Variants in USP12 observed in about 807,000 individuals in gnomAD.
USP12 encodes ubiquitin specific peptidase 12, also known as ubiquitin carboxyl-terminal hydrolase 12.
A neutral mutation model predicts 45.5 loss-of-function variants in USP12; 19 were observed. The observed-to-expected ratio is 0.42, with a 90% CI of 0.29 to 0.61. The LOEUF (loss-of-function observed/expected upper bound fraction) is 0.61, where lower values mean the gene tolerates loss of function less well. USP12 is among the 20% of genes least tolerant of loss of function. The probability of loss-of-function intolerance (pLI) is 0.22; values close to 1 mark genes in which losing one functional copy is unlikely to be tolerated. For synonymous variants in USP12, 149 were observed against 148.8 expected (o/e 1.00, Z -0.01); for missense variants, 242 against 447.7 (o/e 0.54, Z 4.15).
chr13:27,109,518 T>C (rs1312427907), intron 2 of USP12, among the ~76,000 whole-genome samples: 2 of 151,980 alleles, frequency 1.3e-5, no homozygotes, highest in South Asian at 2.1e-4. Flanking sequence ...TCTCCACAAA[T>C]TGATGACTTG....
intron 4 of USP12, 45 bp downstream of exon 4, chr13:27,095,556 T>C (rs1202317760): frequency 1.2e-5 from 17 of 1,368,438 alleles, no homozygotes; most frequent in Non-Finnish European, 1.6e-5. Context: ...ACCTTTAACA[T>C]AGTAATTCAA....
intron 1 of USP12, among the ~76,000 whole-genome samples, chr13:27,166,342 C>T (rs1046799753): frequency 6.6e-6 from 1 of 152,150 alleles, no homozygotes; most frequent in African/African-American, 2.4e-5. Flanking sequence ...TTAAAAGATA[C>T]TTCCTGAGAC....
chr13:27,140,810 G>T (rs1283891200), intron 1 of USP12, among the ~76,000 whole-genome samples: 1 of 151,958 alleles, frequency 6.6e-6, no homozygotes, highest in Non-Finnish European at 1.5e-5. Flanking sequence ...AGAGATTAGA[G>T]TTGACAATTA....
rs1565995090 is a variant in USP12 at position 27,117,942 on chromosome 13, G to C, written c.49-1346C>G. The C allele has an allele frequency of 2.4e-5, 9 of 378,056 alleles. 1 individual carries two copies. The highest frequency in any genetic ancestry group is 1.8e-4 in the South Asian group (9 of 49,518). The allele number at this position is 378,056 out of a possible 1,614,324, so 23.4% of individuals were successfully genotyped here. A position where few individuals can be genotyped will look rare whatever the true frequency, so the allele number is the denominator to read the frequency against. On this transcript the variant is annotated intron_variant, in intron 1 of 8. Transcript: ENST00000282344. The stretch of plus-strand genomic sequence containing the variant: ...ACAGATTCTAAAATGTAGTTTGAAA[G>C]GGAAATAAAAGCAATTCTGTTAATA...
chr13:27,105,130 G>A (rs184364149), intron 3 of USP12, among the ~76,000 whole-genome samples: 2 of 152,230 alleles, frequency 1.3e-5, no homozygotes, highest in Admixed American at 1.3e-4. Context: ...ATTGGCATGT[G>A]AAAATTAAAT....
chr13:27,095,892 AT>A, intron 3 of USP12, 62 bp from the exon 4 acceptor site: 1 of 1,266,812 alleles, frequency 7.9e-7, no homozygotes, highest in Non-Finnish European at 1.1e-6. Context: ...TAAAAAACCA[AT>A]TTATAAAAGA....
At position 27,117,580 on chromosome 13, in the gene USP12, G is replaced by GA. The variant is rs543424526; in HGVS notation, c.49-985dup. ...GTATCTCAAAAACACAATGTTAAAT[G>GA]AAAAAAAGAAAAATTAGATTAACAT... On this transcript the variant is annotated intron_variant, in intron 1 of 8. Coordinates refer to ENST00000282344, the MANE Select transcript of USP12 (RefSeq NM_182488.4). 5.2e-3 allele frequency among the ~76,000 whole-genome samples: 795 copies of GA among 151,664 alleles called. 7 individuals carry two copies. The highest frequency in any genetic ancestry group is 0.018 in the African/African-American group (761 of 41,362).
intron 1 of USP12, among the ~76,000 whole-genome samples, chr13:27,148,084 G>A (rs373478104): frequency 1.3e-5 from 2 of 150,894 alleles, no homozygotes; most frequent in African/African-American, 2.4e-5. Flanking sequence ...AGCTGTGACC[G>A]CACTACTGCA....
At chr13:27,153,016 T>G (rs180982712) in intron 1 of USP12, among the ~76,000 whole-genome samples, 4 of 151,764 alleles carry the variant, frequency 2.6e-5, no homozygotes, top group Non-Finnish European at 5.9e-5. Flanking sequence ...TTTTGATTAA[T>G]TGTTTACATT....
chr13:27,123,576 T>C (rs1004264771), intron 1 of USP12, among the ~76,000 whole-genome samples: 2 of 152,134 alleles, frequency 1.3e-5, no homozygotes, highest in South Asian at 4.1e-4. Flanking sequence ...AGAGACCCAG[T>C]AGGAGGTAAC....
chr13:27,119,844 T>C (rs1277204695), intron 1 of USP12, among the ~76,000 whole-genome samples: 1 of 152,228 alleles, frequency 6.6e-6, no homozygotes, highest in African/African-American at 2.4e-5. Context: ...AAGTAAGGCA[T>C]AGCACCATAA....
At chr13:27,071,012 A>T in intron 8 of USP12, 59 bp downstream of exon 8, 1 of 1,408,668 alleles carries the variant, frequency 7.1e-7, no homozygotes, top group Non-Finnish European at 9.8e-7. Context: ...TATGAGAAAA[A>T]AGTGAAAAGC....
rs115139110 is a variant in USP12 at position 27,147,687 on chromosome 13, G to A, written c.48+23905C>T. 4.3e-4 allele frequency among the ~76,000 whole-genome samples: 66 copies of A among 152,160 alleles called. 1 individual carries two copies. The highest frequency in any genetic ancestry group is 7.9e-4 in the African/African-American group (33 of 41,514). ...TTATAAGGGAAACTCCAGTTGAGAC[G>A]AAAGGCTGACTTCTAAGCAGAAACC... On this transcript the variant is annotated intron_variant, in intron 1 of 8. Transcript: ENST00000282344.
chr13:27,075,907 A>G (rs889121043), intron 6 of USP12, among the ~76,000 whole-genome samples: 9 of 151,914 alleles, frequency 5.9e-5, no homozygotes, highest in Non-Finnish European at 8.8e-5. Flanking sequence ...GCAGGCGCCC[A>G]TAGTCCCAGC....
intron 1 of USP12, among the ~76,000 whole-genome samples, chr13:27,126,792 C>T (rs1044117545): frequency 2.0e-5 from 3 of 152,136 alleles, no homozygotes; most frequent in African/African-American, 7.2e-5. Context: ...TTGTTCTAAA[C>T]ATTTGAGCTC....
chr13:27,123,944 A>G (rs1357015794), intron 1 of USP12, among the ~76,000 whole-genome samples: 1 of 152,228 alleles, frequency 6.6e-6, no homozygotes, highest in Non-Finnish European at 1.5e-5. Context: ...AGAAATCACC[A>G]TCCAAGTGAA....
chr13:27,165,055 CT>C (rs35532017), intron 1 of USP12, among the ~76,000 whole-genome samples: 62,859 of 145,384 alleles, frequency 0.43, 13,957 homozygotes, highest in East Asian at 0.8. Context: ...AGCTGGTGTG[CT>C]TTTTTTTTTT....
Position 27,150,608 on chromosome 13 carries a change from C to T in USP12, c.48+20984G>A, listed in dbSNP as rs115794025. ...GCTGATTCTAAATTCATATGGAGGTCGGACCCAGTGGCTCACCTGTGTAAT... is the reference window on the plus strand; with the variant it reads ...GCTGATTCTAAATTCATATGGAGGTTGGACCCAGTGGCTCACCTGTGTAAT... On this transcript the variant is annotated intron_variant, in intron 1 of 8. Transcript: ENST00000282344. 4.6e-3 allele frequency among the ~76,000 whole-genome samples: 698 copies of T among 152,208 alleles called. 9 individuals are homozygous for T. The highest frequency in any genetic ancestry group is 0.016 in the African/African-American group (660 of 41,528).
chr13:27,113,375 G>C (rs1184782259), intron 2 of USP12, among the ~76,000 whole-genome samples: 1 of 152,150 alleles, frequency 6.6e-6, no homozygotes, highest in African/African-American at 2.4e-5. Context: ...CCCCATGCTG[G>C]GCCTGGGTGA....
Sources: gnomAD v4.1 joint callset for allele counts (sites outside exome capture counted in the v4.1 genomes callset) on GRCh38, gnomAD v4.1.1 for gene constraint, MANE v1.5 for transcripts, NCBI Gene and HGNC (gene_info 2026-07-23, HGNC 2026-07-21) for gene names.